Variants in HEXB observed in about 807,000 individuals in gnomAD.
HEXB encodes hexosaminidase subunit beta, also known as beta-hexosaminidase subunit beta.
A neutral mutation model predicts 71.2 loss-of-function variants in HEXB; 51 were observed. The ratio of observed to expected loss-of-function variants is 0.72; its 90% CI spans 0.57 to 0.90. HEXB has a LOEUF of 0.90. HEXB is among the 40% of genes least tolerant of loss of function. The pLI is 0.00. For missense variants in HEXB, 617 were observed against 677.0 expected, an observed-to-expected ratio of 0.91 and a Z score of 0.98; for synonymous variants, 266 against 249.3, an observed-to-expected ratio of 1.07 and a Z score of -0.63.
At chr5:74,676,512 A>T (rs1748632671) in intron 1 of HEXB, among the ~76,000 whole-genome samples, 1 of 152,170 alleles carries the variant, frequency 6.6e-6, no homozygotes, top group Non-Finnish European at 1.5e-5. Flanking sequence ...TCACTCCTGT[A>T]ATCCCAGCAC....
At chr5:74,668,662 C>G (rs753939754) in intron 1 of HEXB, among the ~76,000 whole-genome samples, 93 of 152,204 alleles carry the variant, frequency 6.1e-4, no homozygotes, top group Non-Finnish European at 2.6e-4. Context: ...TTTATTAGCC[C>G]CCAGGGACCT....
intron 1 of HEXB, among the ~76,000 whole-genome samples, chr5:74,653,940 G>C (rs1469818937): frequency 2.6e-5 from 4 of 151,972 alleles, no homozygotes; most frequent in African/African-American, 9.7e-5. Context: ...CAGTAATAAG[G>C]CCATGCCCAT....
At chr5:74,714,831 C>T (rs1337232949) in intron 7 of HEXB, among the ~76,000 whole-genome samples, 6 of 152,120 alleles carry the variant, frequency 3.9e-5, no homozygotes, top group African/African-American at 1.2e-4. Flanking sequence ...AGCACATTAG[C>T]GGGCCTTTGG....
At position 74,718,810 on chromosome 5, in the gene HEXB, C is replaced by G; in HGVS notation, c.1256C>G (p.Thr419Arg). 1 of 1,613,966 alleles carries G rather than the reference C, an allele frequency of 6.2e-7. No individual in the cohort carries two copies. The highest frequency in any genetic ancestry group is 8.5e-7 in the Non-Finnish European group (1 of 1,179,966). Residue 419 changes from threonine (T) to arginine (R), a missense_variant, in exon 11 of 14, where the codon ACA (threonine) becomes AGA (arginine). Transcript: ENST00000261416. ...FDDKAKLAPG[T>R]IVEVWKDSAY... ...TAACGTTAATAGCTTGCGCCGGGCA[C>G]AATAGTTGAAGTATGGAAAGACAGC...
intron 6 of HEXB, among the ~76,000 whole-genome samples, chr5:74,711,757 T>C (rs2112168152): frequency 6.6e-6 from 1 of 152,160 alleles, no homozygotes; most frequent in East Asian, 1.9e-4. Context: ...CCATTTAGAA[T>C]GGCAATCATT....
In HEXB at chr5:74,720,691, C is replaced by CA. The variant is rs762172918; in HGVS notation, c.1558dup (p.Arg520LysfsTer5). On this transcript the variant is annotated frameshift_variant, in exon 13 of 14. Transcript: ENST00000261416. LOFTEE classifies it high-confidence loss of function. ...AGAGACTCTGGAGTTCCAAAGATGT[C>CA]AGAGATATGGATGACGCCTATGACA... 1 of 1,614,138 alleles carries CA rather than the reference C, an allele frequency of 6.2e-7. No homozygotes were observed. The highest frequency in any genetic ancestry group is 8.5e-7 in the Non-Finnish European group (1 of 1,180,018).
At chr5:74,654,389 A>T (rs770231463) in intron 1 of HEXB, among the ~76,000 whole-genome samples, 15 of 152,168 alleles carry the variant, frequency 9.9e-5, no homozygotes, top group Non-Finnish European at 2.1e-4. Flanking sequence ...CAGAGGCCTG[A>T]CAAGACGCAG....
chr5:74,705,217 A>C lies in HEXB; in HGVS notation c.670-2A>C. On this transcript the variant is annotated splice_acceptor_variant, in intron 5 of 13. Coordinates refer to ENST00000261416, the MANE Select transcript of HEXB (RefSeq NM_000521.4). LOFTEE classifies it high-confidence loss of function. ...ATAATTTTTAAATATGTTTGCTTGCAGGATGCCATGGCTTTTAATAAGTTT... is the reference window on the plus strand; with the variant it reads ...ATAATTTTTAAATATGTTTGCTTGCCGGATGCCATGGCTTTTAATAAGTTT... The C allele has an allele frequency of 1.3e-6, 2 of 1,571,972 alleles. No homozygotes were observed. Among genetic ancestry groups the C allele is most frequent in the Non-Finnish European group, 1.8e-6 (2 of 1,141,862 alleles).
chr5:74,657,197 A>G (rs1229195341), intron 1 of HEXB, among the ~76,000 whole-genome samples: 1 of 152,090 alleles, frequency 6.6e-6, no homozygotes, highest in East Asian at 1.9e-4. Context: ...TATACCCTCC[A>G]GTGGCTTCCA....
At position 74,641,681 on chromosome 5, in the gene HEXB, G is replaced by A. The variant is rs1039321; in HGVS notation, c.-377+1123G>A. ...TTAATAGTCCCGCGTGTCAGGAGAAGGGAAGGCGATTCGAAAAATAATCTC... is the reference window on the plus strand; with the variant it reads ...TTAATAGTCCCGCGTGTCAGGAGAAAGGAAGGCGATTCGAAAAATAATCTC... On this transcript the variant is annotated intron_variant, in intron 1 of 13. Transcript: ENST00000511181. The surrounding 1 kb of genome is among the most constrained non-coding windows in gnomAD (Gnocchi z 4.1). 0.82 allele frequency among the ~76,000 whole-genome samples: 124,986 copies of A among 152,290 alleles called. 51,887 individuals are homozygous for A. Among genetic ancestry groups the A allele is most frequent in the African/African-American group, 0.95 (39,664 of 41,586 alleles).
At chr5:74,679,040 A>G (rs530226632) in intron 1 of HEXB, among the ~76,000 whole-genome samples, 1 of 152,320 alleles carries the variant, frequency 6.6e-6, no homozygotes, top group African/African-American at 2.4e-5. Flanking sequence ...TTTTTGGGGG[A>G]AAAATTGGCA....
At chr5:74,666,053 G>C (rs1748426407) in intron 1 of HEXB, among the ~76,000 whole-genome samples, 1 of 152,170 alleles carries the variant, frequency 6.6e-6, no homozygotes, top group Non-Finnish European at 1.5e-5. Context: ...ACTTATTACA[G>C]AGAACTGTTT....
chr5:74,684,675 T>TTTC (rs1364175918), upstream of HEXB, among the ~76,000 whole-genome samples: 5 of 128,158 alleles, frequency 3.9e-5, no homozygotes, highest in African/African-American at 1.4e-4. Context: ...TTTTCTTTTC[T>TTTC]TTTTTTTTTT....
chr5:74,719,008 T>C (rs750883876), intron 11 of HEXB, 37 bp downstream of exon 11: 3 of 1,601,482 alleles, frequency 1.9e-6, no homozygotes, highest in Non-Finnish European at 2.6e-6. Flanking sequence ...TGTGGGTTAC[T>C]GTGAAGCTGA....
At chr5:74,684,735 T>C (rs2112121069), upstream of HEXB, among the ~76,000 whole-genome samples, 2 of 148,494 alleles carry the variant, frequency 1.3e-5, no homozygotes, top group South Asian at 4.3e-4. Context: ...TGGAGTGCAG[T>C]GGTGCGATCT....
Position 74,721,101 on chromosome 5 carries a change from A to ATTCATGTTATCTACAGACGTGGAAT in HEXB, c.1614-16_1622dup, listed in dbSNP as rs756912360. 8.9e-6 allele frequency: 14 copies of ATTCATGTTATCTACAGACGTGGAAT among 1,581,040 alleles called. No homozygotes were observed. The highest frequency in any genetic ancestry group is 1.1e-5 in the Non-Finnish European group (13 of 1,150,212). On this transcript the variant is annotated splice_polypyrimidine_tract_variant and intron_variant, in intron 13 of 13. Transcript: ENST00000261416. The stretch of plus-strand genomic sequence containing the variant: ...ATCTAAATCAATCTAAAATATCTTT[A>ATTCATGTTATCTACAGACGTGGAAT]TTCATGTTATCTACAGACGTGGAAT...
At chr5:74,698,390 A>ATTG (rs1258520863) in intron 5 of HEXB, among the ~76,000 whole-genome samples, 62 of 140,712 alleles carry the variant, frequency 4.4e-4, no homozygotes, top group African/African-American at 1.5e-3. Flanking sequence ...TATTATTATT[A>ATTG]TTATTATTTT....
At chr5:74,655,970 A>G (rs1330701206) in intron 1 of HEXB, among the ~76,000 whole-genome samples, 1 of 152,218 alleles carries the variant, frequency 6.6e-6, no homozygotes, top group Non-Finnish European at 1.5e-5. Flanking sequence ...TAATTCTTCA[A>G]GGAAAAGGAA....
At chr5:74,716,809 C>CTA (rs1749683272) in intron 9 of HEXB, 136 bp downstream of exon 9, 4 of 598,388 alleles carry the variant, frequency 6.7e-6, no homozygotes, top group African/African-American at 5.6e-5. Context: ...GAGGCAATAC[C>CTA]CACTGCTTGC....
Sources: gnomAD v4.1 joint callset for allele counts (sites outside exome capture counted in the v4.1 genomes callset) on GRCh38, gnomAD v4.1.1 for gene constraint, Gnocchi (gnomAD v3.1) non-coding constraint, MANE v1.5 for transcripts, NCBI Gene and HGNC (gene_info 2026-07-23, HGNC 2026-07-21) for gene names.